The following GAP43 variants were observed in gnomAD, a reference collection of about 807,000 sequenced individuals.
The protein encoded by GAP43 is neuromodulin.
A neutral mutation model predicts 18.6 loss-of-function variants in GAP43; 6 were observed. That is an observed-to-expected ratio of 0.32 (90% confidence interval 0.18 to 0.64). GAP43 has a LOEUF of 0.64. GAP43 is among the 30% of genes least tolerant of loss of function. GAP43 has a pLI of 0.78. For missense variants in GAP43, 292 were observed against 295.5 expected, an observed-to-expected ratio of 0.99 and a Z score of 0.09; for synonymous variants, 115 against 111.4, an observed-to-expected ratio of 1.03 and a Z score of -0.20.
At chr3:115,626,792 T>C (rs1464364176) in intron 1 of GAP43, among the ~76,000 whole-genome samples, 1 of 152,172 alleles carries the variant, frequency 6.6e-6, no homozygotes, top group African/African-American at 2.4e-5. Flanking sequence ...TCTGCTTTTT[T>C]CCTCATGCAA....
At chr3:115,646,131 A>G (rs1376988871) in intron 1 of GAP43, among the ~76,000 whole-genome samples, 4 of 152,098 alleles carry the variant, frequency 2.6e-5, no homozygotes, top group African/African-American at 9.6e-5. Flanking sequence ...TTATTCTTTC[A>G]CTGTCAGGAT....
chr3:115,644,029 C>T lies in GAP43; in HGVS notation c.30+20310C>T, dbSNP rs1313436485. Among the ~76,000 whole-genome samples, 1 of 152,040 alleles carries T rather than the reference C, an allele frequency of 6.6e-6. No homozygotes were observed. The highest frequency in any genetic ancestry group is 6.6e-5 in the Admixed American group (1 of 15,232). On this transcript the variant is annotated intron_variant, in intron 1 of 2. Coordinates refer to ENST00000305124, the MANE Select transcript of GAP43 (RefSeq NM_002045.4). This position sits in a 1 kb window ranked among gnomAD's most constrained non-coding sequence, Gnocchi z 4.2. Reference sequence around the variant, plus strand: ...ATTGCTTTTCCTTAATCTGAACCAGCAGTAACCCATATATTTCTTTCAACC... The same window carrying T: ...ATTGCTTTTCCTTAATCTGAACCAGTAGTAACCCATATATTTCTTTCAACC...
chr3:115,664,284 T>C (rs1278726293), intron 1 of GAP43, among the ~76,000 whole-genome samples: 1 of 150,756 alleles, frequency 6.6e-6, no homozygotes, highest in African/African-American at 2.4e-5. Flanking sequence ...GAGGCATTTA[T>C]TATTTTTTTA....
intron 2 of GAP43, among the ~76,000 whole-genome samples, chr3:115,692,959 C>G (rs1001935123): frequency 6.6e-6 from 1 of 152,112 alleles, no homozygotes; most frequent in Non-Finnish European, 1.5e-5. Flanking sequence ...AAATAGGACC[C>G]AATCACAATA....
intron 1 of GAP43, among the ~76,000 whole-genome samples, chr3:115,666,790 A>G (rs2107484142): frequency 6.6e-6 from 1 of 152,298 alleles, no homozygotes; most frequent in Non-Finnish European, 1.5e-5. Flanking sequence ...TTACAGGAGG[A>G]GGACTAAGCA....
At chr3:115,698,171 T>TAATATA (rs1402091167) in intron 2 of GAP43, among the ~76,000 whole-genome samples, 49 of 18,650 alleles carry the variant, frequency 2.6e-3, no homozygotes, top group Admixed American at 3.9e-3. Context: ...ATAAAATATA[T>TAATATA]TAAATAATAT....
intron 1 of GAP43, among the ~76,000 whole-genome samples, chr3:115,627,926 A>G (rs963891442): frequency 1.3e-5 from 2 of 152,188 alleles, no homozygotes; most frequent in Non-Finnish European, 2.9e-5. Flanking sequence ...ACTGACTGTG[A>G]GCTTTAATAA....
intron 1 of GAP43, among the ~76,000 whole-genome samples, chr3:115,661,474 T>TTTTG (rs1011890881): frequency 3.6e-4 from 55 of 152,182 alleles, no homozygotes; most frequent in Non-Finnish European, 6.0e-4. Flanking sequence ...ATGACTTTGT[T>TTTTG]TTTGTTTGTT....
At chr3:115,639,499 G>C (rs573394057) in intron 1 of GAP43, among the ~76,000 whole-genome samples, 2 of 152,018 alleles carry the variant, frequency 1.3e-5, no homozygotes, top group Non-Finnish European at 2.9e-5. Flanking sequence ...CAGGAATCCT[G>C]GTGAGGTTTC....
chr3:115,676,541 G>C lies in GAP43; in HGVS notation c.559G>C (p.Ala187Pro). 1 of 1,613,338 alleles carries C rather than the reference G, an allele frequency of 6.2e-7. No homozygotes were observed. Among genetic ancestry groups the C allele is most frequent in the Non-Finnish European group, 8.5e-7 (1 of 1,179,968 alleles). Residue 187 changes from alanine (A) to proline (P), a missense_variant, in exon 2 of 3, where the codon GCT becomes CCT. By Grantham distance (27) the Ala-to-Pro change is conservative. Transcript: ENST00000305124. ...AAATTPAAED[A>P]AAKATAQPPT... Reference sequence around the variant, plus strand: ...TGCCACCACCCCTGCCGCAGAGGATGCTGCTGCCAAGGCAACAGCCCAGCC... The same window carrying C: ...TGCCACCACCCCTGCCGCAGAGGATCCTGCTGCCAAGGCAACAGCCCAGCC...
At chr3:115,718,759 T>C (rs947723632) in intron 2 of GAP43, among the ~76,000 whole-genome samples, 8 of 152,204 alleles carry the variant, frequency 5.3e-5, no homozygotes, top group Admixed American at 4.6e-4. Context: ...CAGACTAGTC[T>C]AGTTAGATTC....
chr3:115,640,065 A>G (rs1412563792), intron 1 of GAP43, among the ~76,000 whole-genome samples: 1 of 152,070 alleles, frequency 6.6e-6, no homozygotes, highest in Non-Finnish European at 1.5e-5. Flanking sequence ...CTAAGTTTCA[A>G]ACTGGTAACT....
At chr3:115,680,482 A>C (rs1021736820) in intron 2 of GAP43, among the ~76,000 whole-genome samples, 2 of 152,176 alleles carry the variant, frequency 1.3e-5, no homozygotes, top group African/African-American at 2.4e-5. Flanking sequence ...AAACCAAAAC[A>C]AAAACAAGAT....
intron 2 of GAP43, among the ~76,000 whole-genome samples, chr3:115,687,836 T>G (rs935099980): frequency 1.3e-5 from 2 of 152,188 alleles, no homozygotes; most frequent in Non-Finnish European, 1.5e-5. Flanking sequence ...AGATTAAAAC[T>G]CAACATAATT....
chr3:115,628,637 C>T (rs1465788793), intron 1 of GAP43, among the ~76,000 whole-genome samples: 3 of 152,134 alleles, frequency 2.0e-5, no homozygotes, highest in Non-Finnish European at 4.4e-5. Context: ...TGTCCCCTTA[C>T]TGGGTCTGCA....
chr3:115,707,252 C>T (rs932058308), intron 2 of GAP43, among the ~76,000 whole-genome samples: 1 of 152,084 alleles, frequency 6.6e-6, no homozygotes, highest in Non-Finnish European at 1.5e-5. Context: ...AAGTAATTTA[C>T]TCAAGGTCAT....
chr3:115,677,818 T>C (rs554977207), intron 2 of GAP43, among the ~76,000 whole-genome samples: 1 of 152,138 alleles, frequency 6.6e-6, no homozygotes, highest in African/African-American at 2.4e-5. Flanking sequence ...GACCATCAGA[T>C]TGAGAAAGTA....
intron 2 of GAP43, among the ~76,000 whole-genome samples, chr3:115,716,352 G>T (rs935581041): frequency 6.6e-6 from 1 of 152,086 alleles, no homozygotes; most frequent in African/African-American, 2.4e-5. Context: ...TTTGTCAGAG[G>T]TTAAAACCTT....
At chr3:115,670,101 G>A (rs538095065) in intron 1 of GAP43, among the ~76,000 whole-genome samples, 110 of 132,836 alleles carry the variant, frequency 8.3e-4, no homozygotes, top group African/African-American at 3.0e-3. Context: ...ACCCACTAAC[G>A]TGTCATCTAG....
Sources: gnomAD v4.1 joint callset for allele counts (sites outside exome capture counted in the v4.1 genomes callset) on GRCh38, gnomAD v4.1.1 for gene constraint, Gnocchi (gnomAD v3.1) non-coding constraint, MANE v1.5 for transcripts, NCBI Gene and HGNC (gene_info 2026-07-23, HGNC 2026-07-21) for gene names.